KIR3DL3: variants seen among roughly 807,000 people sequenced by gnomAD.
The protein encoded by KIR3DL3 is killer cell immunoglobulin like receptor, three Ig domains and long cytoplasmic tail 3, also known as killer cell immunoglobulin-like receptor 3DL3.
KIR3DL3 carries 27 observed loss-of-function variants against 34.9 expected under a neutral mutation model. That is an observed-to-expected ratio of 0.77 (90% CI 0.57 to 1.07). The LOEUF (loss-of-function observed/expected upper bound fraction) is 1.07. Ranked by LOEUF, KIR3DL3 falls within the 50% of genes least tolerant of loss-of-function variation. The pLI is 0.00. For synonymous variants in KIR3DL3, 217 were observed against 200.2 expected (o/e 1.08, Z -0.71); for missense variants, 681 against 528.5 (o/e 1.29, Z -2.83).
chr19:54,733,790 A>C (rs1377091936), intron 5 of KIR3DL3, among the ~76,000 whole-genome samples: 2 of 152,108 alleles, frequency 1.3e-5, no homozygotes, highest in Non-Finnish European at 2.9e-5. Context: ...CCTTCACCCA[A>C]ATCCCCCAAT....
chr19:54,730,737 A>G (rs1402996024), intron 5 of KIR3DL3, among the ~76,000 whole-genome samples: 1 of 152,118 alleles, frequency 6.6e-6, no homozygotes, highest in African/African-American at 2.4e-5. Context: ...CTCCAGTTCC[A>G]TTCATGTGGC....
Position 54,726,184 on chromosome 19 carries a change from G to C in KIR3DL3, c.202G>C (p.Val68Leu). 1 of 1,613,636 alleles carries C rather than the reference G, an allele frequency of 6.2e-7. No individual in the cohort carries two copies. Among genetic ancestry groups the C allele is most frequent in the Non-Finnish European group, 8.5e-7 (1 of 1,179,900 alleles). ...TCTGTCCAAAGAAGACGGGATGCCT[G>C]TCCCTGAGCTCTACAACAGAATATT... ...FSLSKEDGMP[V>L]PELYNRIFRN... The change falls in exon 3 of 8, where the codon GTC (valine) becomes CTC (leucine). Residue 68 changes from valine (V) to leucine (L), a missense_variant. Transcript: ENST00000291860.
intron 4 of KIR3DL3, 91 bp from the exon 5 acceptor site, chr19:54,729,402 A>G (rs2068555290): frequency 1.5e-5 from 19 of 1,263,610 alleles, no homozygotes; most frequent in Non-Finnish European, 2.0e-5. Flanking sequence ...GCATTAAGTC[A>G]TAGAGCAGGG....
intron 5 of KIR3DL3, among the ~76,000 whole-genome samples, chr19:54,734,345 A>G (rs1487432450): frequency 2.6e-5 from 4 of 151,336 alleles, no homozygotes; most frequent in Non-Finnish European, 5.9e-5. Flanking sequence ...CACATTACAC[A>G]GGCAGGTTCA....
In KIR3DL3 at chr19:54,726,106, G is replaced by A. The variant is rs1600165156; in HGVS notation, c.124G>A (p.Gly42Arg). The A allele has an allele frequency of 1.2e-6, 2 of 1,613,508 alleles. No individual in the cohort carries two copies. Among genetic ancestry groups the A allele is most frequent in the East Asian group, 4.5e-5 (2 of 44,868 alleles). The change falls in exon 3 of 8, where the codon GGA becomes AGA. Residue 42 changes from glycine (G) to arginine (R), a missense_variant. Transcript: ENST00000291860. ...SAWPGTVVSE[G>R]QHVTLQCRSR... ...CTGGCCCGGCACTGTGGTGTCTGAA[G>A]GACAACATGTGACTCTTCAGTGTCG... is the stretch of plus-strand genomic sequence containing the variant.
rs1261082727 is a variant in KIR3DL3 at position 54,724,475 on chromosome 19, G to T, written c.-22G>T. The T allele has an allele frequency of 6.2e-7, 1 of 1,612,704 alleles. No homozygotes were observed. The highest frequency in any genetic ancestry group is 8.5e-7 in the Non-Finnish European group (1 of 1,179,962). On this transcript the variant is annotated 5_prime_UTR_variant, in exon 1 of 8. Coordinates refer to ENST00000291860, the MANE Select transcript of KIR3DL3 (RefSeq NM_153443.5). Reference sequence around the variant, plus strand: ...TGCTGAACTGAGCTGGGGCGCAGCCGCCTGTCTGCACCGGCAGCACCATGT... The same window carrying T: ...TGCTGAACTGAGCTGGGGCGCAGCCTCCTGTCTGCACCGGCAGCACCATGT...
At chr19:54,732,929 C>T (rs141051367) in intron 5 of KIR3DL3, among the ~76,000 whole-genome samples, 3 of 151,600 alleles carry the variant, frequency 2.0e-5, no homozygotes, top group Admixed American at 6.6e-5. Context: ...TAACAGTGAC[C>T]GACATGAAAA....
At chr19:54,728,646 G>C (rs1263774648) in intron 4 of KIR3DL3, among the ~76,000 whole-genome samples, 1 of 152,108 alleles carries the variant, frequency 6.6e-6, no homozygotes, top group Non-Finnish European at 1.5e-5. Context: ...CACATAAAGA[G>C]ATAGAAAAAG....
intron 4 of KIR3DL3, among the ~76,000 whole-genome samples, chr19:54,728,986 T>C (rs2068496000): frequency 8.0e-6 from 1 of 124,546 alleles, no homozygotes. Context: ...TATAAATAGA[T>C]ATAGAGAGAT....
At chr19:54,725,215 G>C (rs1199387670) in intron 1 of KIR3DL3, 32 bp from the exon 2 acceptor site, 1 of 1,583,570 alleles carries the variant, frequency 6.3e-7, no homozygotes, top group East Asian at 2.2e-5. Context: ...GTGATGTACA[G>C]ATGGATCATC....
chr19:54,724,507 T>G lies in KIR3DL3; in HGVS notation c.11T>G (p.Met4Arg), dbSNP rs2067895059. The G allele has an allele frequency of 1.9e-6, 3 of 1,612,530 alleles. No individual in the cohort carries two copies. The South Asian group carries it at 3.3e-5, about 18-fold the overall frequency. Residue 4 changes from methionine (M) to arginine (R), a missense_variant, in exon 1 of 8, where the codon ATG (methionine) becomes AGG (arginine). Met to Arg is a moderately conservative substitution (Grantham distance 91). Coordinates refer to ENST00000291860, the MANE Select transcript of KIR3DL3 (RefSeq NM_153443.5). ...TGCACCGGCAGCACCATGTCGCTCA[T>G]GGTCGTCAGCATGGCGTGTGTTGGT... Reference protein sequence around the residue: MSLMVVSMACVGFF... With the variant: MSLRVVSMACVGFF...
intron 2 of KIR3DL3, among the ~76,000 whole-genome samples, 170 bp from the exon 3 acceptor site, chr19:54,725,883 T>G (rs2068099957): frequency 6.6e-6 from 1 of 151,632 alleles, no homozygotes; most frequent in East Asian, 2.0e-4. Flanking sequence ...CAGCTGACAC[T>G]TGCTGTAGGG....
chr19:54,729,882 G>A (rs1453787612), intron 5 of KIR3DL3, 96 bp downstream of exon 5: 25 of 1,217,182 alleles, frequency 2.1e-5, no homozygotes, highest in East Asian at 1.1e-4. Context: ...GACAGATGCC[G>A]AGACAGAACA....
intron 5 of KIR3DL3, among the ~76,000 whole-genome samples, chr19:54,734,657 A>G (rs897892937): frequency 6.1e-5 from 9 of 147,430 alleles, no homozygotes; most frequent in Non-Finnish European, 1.2e-4. Flanking sequence ...CTAAAGGAAC[A>G]CTTGAGCCTG....
At chr19:54,729,827 G>T in intron 5 of KIR3DL3, 41 bp downstream of exon 5, 1 of 1,562,262 alleles carries the variant, frequency 6.4e-7, no homozygotes, top group Non-Finnish European at 8.7e-7. Context: ...TGTGATCCTA[G>T]AGCCATAGCT....
In KIR3DL3 at chr19:54,735,350, C is replaced by A. The variant is rs754670459; in HGVS notation, c.1047C>A (p.Asn349Lys). The A allele has an allele frequency of 7.3e-7, 1 of 1,362,368 alleles. No homozygotes were observed. Among genetic ancestry groups the A allele is most frequent in the Non-Finnish European group, 1.0e-6 (1 of 955,280 alleles). 84.4% of individuals were successfully genotyped at this position (1,362,368 alleles called of 1,614,324 possible). A position where few individuals can be genotyped will look rare whatever the true frequency, so the allele number is the denominator to read the frequency against. The change falls in exon 6 of 8, where the codon AAC becomes AAA. Residue 349 changes from asparagine to lysine, a missense_variant. By Grantham distance (94) the Asn-to-Lys change is moderately conservative (BLOSUM62 0). Transcript: ENST00000291860. Reference protein sequence around the residue: ...LFFLLHRWCANKKNAVVMDQE... With the variant: ...LFFLLHRWCAKKKNAVVMDQE... ...TTCTCCTTCATCGCTGGTGTGCCAA[C>A]AAAAAGAGTAAGTCTCACGAAGCAG...
intron 4 of KIR3DL3, among the ~76,000 whole-genome samples, chr19:54,729,072 CAGAG>C (rs1242419010): frequency 6.8e-6 from 1 of 148,026 alleles, no homozygotes; most frequent in African/African-American, 2.5e-5. Context: ...TGATAGATAA[CAGAG>C]AGATAGGTCA....
intron 4 of KIR3DL3, 132 bp from the exon 5 acceptor site, chr19:54,729,360 GA>G: frequency 9.5e-7 from 1 of 1,049,460 alleles, no homozygotes; most frequent in Non-Finnish European, 1.4e-6. Flanking sequence ...CATGAAGAGA[GA>G]TGGGGGTGGA....
In KIR3DL3 at chr19:54,735,247, C is replaced by A. The variant is rs766505699; in HGVS notation, c.950-6C>A. The A allele has an allele frequency of 1.3e-6, 2 of 1,482,812 alleles. No individual in the cohort carries two copies. The highest frequency in any genetic ancestry group is 1.7e-5 in the Admixed American group (1 of 57,402). 91.9% of individuals were successfully genotyped at this position (1,482,812 alleles called of 1,614,324 possible). A position where few individuals can be genotyped will look rare whatever the true frequency, so the allele number is the denominator to read the frequency against. On this transcript the variant is annotated splice_polypyrimidine_tract_variant and splice_region_variant and intron_variant, in intron 5 of 7. Coordinates refer to ENST00000291860, the MANE Select transcript of KIR3DL3 (RefSeq NM_153443.5). The stretch of plus-strand genomic sequence containing the variant: ...AGCTTCTTATTGGTGTCTTGTCTTC[C>A]TCCAGGTAACTCCAGAAACCTGCAC...
Sources: gnomAD v4.1 joint callset for allele counts (sites outside exome capture counted in the v4.1 genomes callset) on GRCh38, gnomAD v4.1.1 for gene constraint, MANE v1.5 for transcripts, NCBI Gene and HGNC (gene_info 2026-07-23, HGNC 2026-07-21) for gene names.